Variants in ITSN1 observed in about 807,000 individuals in gnomAD.
The protein encoded by ITSN1 is intersectin-1.
A neutral mutation model predicts 239.8 loss-of-function variants in ITSN1; 58 were observed. The ratio of observed to expected loss-of-function variants is 0.24; its 90% CI spans 0.20 to 0.30. ITSN1 has a LOEUF of 0.30. ITSN1 is among the 10% of genes least tolerant of loss of function. The pLI is 1.00. For missense variants in ITSN1, 1,558 were observed against 2,103.3 expected, an observed-to-expected ratio of 0.74 and a Z score of 5.07; for synonymous variants, 780 against 770.8, an observed-to-expected ratio of 1.01 and a Z score of -0.20.
chr21:33,870,946 T>C (rs772974807), intron 33 of ITSN1, among the ~76,000 whole-genome samples: 29 of 152,106 alleles, frequency 1.9e-4, no homozygotes, highest in Non-Finnish European at 1.8e-4. Context: ...ATGCAGGCTG[T>C]TTACATCTGC....
At chr21:33,750,806 G>A (rs930161257) in intron 6 of ITSN1, among the ~76,000 whole-genome samples, 5 of 152,124 alleles carry the variant, frequency 3.3e-5, no homozygotes, top group Non-Finnish European at 7.3e-5. Flanking sequence ...TTGAAGGAAA[G>A]GATTTAAAAG....
chr21:33,690,815 GTATATATA>G lies in ITSN1; in HGVS notation c.-32-27966_-32-27959del, dbSNP rs1188283621. 8.1e-4 allele frequency among the ~76,000 whole-genome samples: 9 copies of G among 11,076 alleles called. 2 individuals carry two copies. The highest frequency in any genetic ancestry group is 2.9e-3 in the African/African-American group (8 of 2,726). The allele number at this position is 11,076 out of a possible 152,430, so 7.3% of individuals were successfully genotyped here. A position where few individuals can be genotyped will look rare whatever the true frequency, so the allele number is the denominator to read the frequency against. ...CATATATATATATATATATATATAT[GTATATATA>G]TATATATATATATATGTAAAAGTTA... On this transcript the variant is annotated intron_variant, in intron 1 of 39. Coordinates refer to ENST00000381318, the MANE Select transcript of ITSN1 (RefSeq NM_003024.3).
intron 1 of ITSN1, among the ~76,000 whole-genome samples, chr21:33,689,588 A>G (rs750253011): frequency 6.6e-6 from 1 of 152,142 alleles, no homozygotes; most frequent in Non-Finnish European, 1.5e-5. Flanking sequence ...ACATGGGAGG[A>G]TTGCTTGCAC....
chr21:33,682,140 T>C (rs1568926927), intron 1 of ITSN1, among the ~76,000 whole-genome samples: 4 of 151,672 alleles, frequency 2.6e-5, no homozygotes. Flanking sequence ...CAAGTAGAGG[T>C]TGTGTTCTAT....
intron 34 of ITSN1, among the ~76,000 whole-genome samples, chr21:33,878,817 C>T (rs1328287276): frequency 3.9e-5 from 6 of 152,212 alleles, no homozygotes; most frequent in Non-Finnish European, 7.3e-5. Flanking sequence ...CCATGTGCCA[C>T]GGCTCAGTAC....
intron 1 of ITSN1, among the ~76,000 whole-genome samples, chr21:33,668,067 A>G (rs1416937610): frequency 6.6e-6 from 1 of 152,174 alleles, no homozygotes; most frequent in African/African-American, 2.4e-5. Context: ...GATTGGCTCC[A>G]CTTATGGCTT....
intron 29 of ITSN1, among the ~76,000 whole-genome samples, chr21:33,852,031 A>G (rs1602595628): frequency 6.6e-6 from 1 of 151,562 alleles, no homozygotes; most frequent in African/African-American, 2.4e-5. Context: ...CAGGCAATCC[A>G]CCCACCTCTG....
At chr21:33,877,342 C>T (rs1984109598) in intron 34 of ITSN1, among the ~76,000 whole-genome samples, 1 of 152,070 alleles carries the variant, frequency 6.6e-6, no homozygotes, top group Non-Finnish European at 1.5e-5. Flanking sequence ...GCGTGATTAC[C>T]GCACCTGGCC....
chr21:33,844,772 G>GCC (rs2074937056), intron 29 of ITSN1, among the ~76,000 whole-genome samples: 1 of 152,070 alleles, frequency 6.6e-6, no homozygotes, highest in African/African-American at 2.4e-5. Flanking sequence ...TCTCTGGAGT[G>GCC]TTACCTTGGA....
intron 1 of ITSN1, among the ~76,000 whole-genome samples, chr21:33,668,568 A>G (rs1282485892): frequency 6.6e-6 from 1 of 152,210 alleles, no homozygotes; most frequent in African/African-American, 2.4e-5. Flanking sequence ...AGTGGGATGC[A>G]GGGATGGGGC....
intron 31 of ITSN1, among the ~76,000 whole-genome samples, chr21:33,862,608 G>C (rs930413986): frequency 2.6e-5 from 4 of 152,150 alleles, no homozygotes; most frequent in African/African-American, 9.7e-5. Context: ...GCGGGAGCAG[G>C]GCAGCCGCGT....
intron 4 of ITSN1, among the ~76,000 whole-genome samples, chr21:33,734,114 TA>T (rs943730309): frequency 1.3e-5 from 2 of 152,168 alleles, no homozygotes; most frequent in Non-Finnish European, 1.5e-5. Context: ...AATATTGGTT[TA>T]AAAAAATCCT....
chr21:33,823,841 A>C (rs1602454501), intron 25 of ITSN1, among the ~76,000 whole-genome samples, 188 bp downstream of exon 25: 1 of 152,160 alleles, frequency 6.6e-6, no homozygotes, highest in Admixed American at 6.5e-5. Flanking sequence ...GCTTCCCCCA[A>C]GCAGAATGCC....
intron 1 of ITSN1, among the ~76,000 whole-genome samples, chr21:33,702,225 C>G (rs1327153241): frequency 0.029 from 1 of 34 alleles, no homozygotes; most frequent in Non-Finnish European, 0.05. Flanking sequence ...AAGCGATTCC[C>G]CTGCACTCAG....
intron 1 of ITSN1, among the ~76,000 whole-genome samples, chr21:33,657,222 G>T (rs543589602): frequency 5.9e-5 from 9 of 152,298 alleles, no homozygotes; most frequent in Admixed American, 2.0e-4. Context: ...TTTTGTGTCA[G>T]TGTGTACCCA....
At chr21:33,748,989 CTTTT>C (rs10714954) in intron 5 of ITSN1, among the ~76,000 whole-genome samples, 2 of 140,380 alleles carry the variant, frequency 1.4e-5, no homozygotes, top group Non-Finnish European at 3.1e-5. Context: ...AGCTTTTTTA[CTTTT>C]TTTTTTTTTT....
chr21:33,780,703 T>C (rs1464149237), intron 14 of ITSN1, among the ~76,000 whole-genome samples: 4 of 152,320 alleles, frequency 2.6e-5, no homozygotes, highest in Admixed American at 1.3e-4. Context: ...TTTATCAAGG[T>C]AAAAATAAAA....
rs143539307 is a variant in ITSN1, at chr21:33,771,824, T to C, written c.1043-237T>C. 1.8e-3 allele frequency among the ~76,000 whole-genome samples: 274 copies of C among 152,262 alleles called. 1 individual carries two copies. Among genetic ancestry groups the C allele is most frequent in the African/African-American group, 6.4e-3 (268 of 41,554 alleles). ...GGAAGGAAAGGAGTCTGGATGGTGA[T>C]GTAGAACTGCTAGATAAGGATCTTT... is the stretch of plus-strand genomic sequence containing the variant. On this transcript the variant is annotated intron_variant, in intron 11 of 39. Coordinates refer to ENST00000381318, the MANE Select transcript of ITSN1 (RefSeq NM_003024.3).
chr21:33,650,121 C>A (rs1285705525), intron 1 of ITSN1, among the ~76,000 whole-genome samples: 4 of 152,012 alleles, frequency 2.6e-5, no homozygotes, highest in Non-Finnish European at 4.4e-5. Flanking sequence ...TAAAATTAAA[C>A]ATCCTCTTTT....
Sources: gnomAD v4.1 joint callset for allele counts (sites outside exome capture counted in the v4.1 genomes callset) on GRCh38, gnomAD v4.1.1 for gene constraint, MANE v1.5 for transcripts, NCBI Gene and HGNC (gene_info 2026-07-23, HGNC 2026-07-21) for gene names.